The following DSE variants were observed in gnomAD, a reference collection of about 807,000 sequenced individuals.
The protein encoded by DSE is dermatan-sulfate epimerase.
Under a neutral mutation model 84.4 loss-of-function variants are expected in DSE, and 36 were observed. The observed-to-expected ratio is 0.43, with a 90% CI of 0.33 to 0.56. The LOEUF (loss-of-function observed/expected upper bound fraction) is 0.56. DSE is among the 20% of genes least tolerant of loss of function. DSE has a pLI of 0.06. For missense variants in DSE, 862 were observed against 1,169.6 expected, an observed-to-expected ratio of 0.74 and a Z score of 3.84; for synonymous variants, 410 against 430.1, an observed-to-expected ratio of 0.95 and a Z score of 0.58.
At chr6:116,384,332 C>A (rs1168006726) in intron 1 of DSE, among the ~76,000 whole-genome samples, 1 of 152,148 alleles carries the variant, frequency 6.6e-6, no homozygotes, top group African/African-American at 2.4e-5. Context: ...CTCATGAAAT[C>A]TATCCTTGGA....
At chr6:116,407,769 A>G (rs1782029270) in intron 2 of DSE, among the ~76,000 whole-genome samples, 1 of 152,252 alleles carries the variant, frequency 6.6e-6, no homozygotes, top group Admixed American at 6.5e-5. Context: ...TTTGATAAAT[A>G]AAAAAGATCA....
intron 2 of DSE, among the ~76,000 whole-genome samples, chr6:116,339,622 G>A (rs1378564922): frequency 1.3e-5 from 2 of 152,222 alleles, no homozygotes; most frequent in African/African-American, 4.8e-5. Flanking sequence ...ATCTGGGTGA[G>A]CAAGTAATGA....
chr6:116,278,402 G>C (rs1218506680), intron 2 of DSE: 1 of 1,420,436 alleles, frequency 7.0e-7, no homozygotes, highest in Non-Finnish European at 9.8e-7. Flanking sequence ...ACAGGGTGCA[G>C]AAAAGTCAGC....
intron 1 of DSE, among the ~76,000 whole-genome samples, chr6:116,395,582 T>TTA (rs1466018371): frequency 6.6e-6 from 1 of 152,232 alleles, no homozygotes; most frequent in African/African-American, 2.4e-5. Context: ...ACTTTTTTTT[T>TTA]ACTTTTAAAT....
chr6:116,371,471 G>T (rs1779568151), intron 1 of DSE, among the ~76,000 whole-genome samples: 1 of 152,236 alleles, frequency 6.6e-6, no homozygotes, highest in African/African-American at 2.4e-5. Context: ...GCCCAGCCGC[G>T]ATTTCCTCGA....
chr6:116,420,136 A>T (rs1257250515), intron 2 of DSE, among the ~76,000 whole-genome samples: 1 of 152,212 alleles, frequency 6.6e-6, no homozygotes, highest in Non-Finnish European at 1.5e-5. Flanking sequence ...CTGTTGATTA[A>T]TTTAAATAAG....
intron 2 of DSE, among the ~76,000 whole-genome samples, chr6:116,321,997 C>T (rs1032066934): frequency 6.6e-6 from 1 of 152,036 alleles, no homozygotes; most frequent in Non-Finnish European, 1.5e-5. Context: ...TTTGTTCGGC[C>T]GGGGGCATCA....
intron 2 of DSE, among the ~76,000 whole-genome samples, chr6:116,290,024 C>T (rs1281000731): frequency 6.6e-6 from 1 of 151,828 alleles, no homozygotes; most frequent in Non-Finnish European, 1.5e-5. Context: ...ATTGCCTCAC[C>T]CCTCCATTAC....
chr6:116,363,361 TAC>T (rs1779006971), intron 2 of DSE, among the ~76,000 whole-genome samples: 1 of 144,668 alleles, frequency 6.9e-6, no homozygotes, highest in East Asian at 1.9e-4. Context: ...TACATATATA[TAC>T]ACATGTGTGT....
rs550603505 is a variant in DSE at position 116,284,678 on chromosome 6, C to T, written c.-54+25711C>T. ...CCCTCCCCCCTCCCCCCTCCCCCAACCTCATGATAGGCCCCGGTGTGTGAT... is the reference window on the plus strand; with the variant it reads ...CCCTCCCCCCTCCCCCCTCCCCCAATCTCATGATAGGCCCCGGTGTGTGAT... On this transcript the variant is annotated intron_variant, in intron 2 of 3. Coordinates refer to the DSE transcript ENST00000430252. 1.3e-4 allele frequency among the ~76,000 whole-genome samples: 14 copies of T among 110,476 alleles called. No homozygotes were observed. The East Asian group carries it at 4.2e-3, about 33-fold the overall frequency. The allele number at this position is 110,476 out of a possible 152,430, so 72.5% of individuals were successfully genotyped here. A position where few individuals can be genotyped will look rare whatever the true frequency, so the allele number is the denominator to read the frequency against.
At chr6:116,342,879 G>A (rs1777698984) in intron 2 of DSE, among the ~76,000 whole-genome samples, 1 of 152,166 alleles carries the variant, frequency 6.6e-6, no homozygotes, top group Non-Finnish European at 1.5e-5. Context: ...AGGGGTCAGG[G>A]AATTCCCTTT....
intron 2 of DSE, among the ~76,000 whole-genome samples, chr6:116,337,797 A>G (rs1777339539): frequency 8.2e-6 from 1 of 121,500 alleles, no homozygotes; most frequent in African/African-American, 3.0e-5. Context: ...AAATGAGTTT[A>G]CATACTTCTT....
At chr6:116,266,378 A>G (rs1772631342) in intron 2 of DSE, among the ~76,000 whole-genome samples, 2 of 152,216 alleles carry the variant, frequency 1.3e-5, no homozygotes, top group South Asian at 4.1e-4. Context: ...TTCTGTTGAT[A>G]TCTTCTGGTA....
chr6:116,377,460 T>G (rs1208891073), intron 1 of DSE, among the ~76,000 whole-genome samples: 1 of 152,200 alleles, frequency 6.6e-6, no homozygotes, highest in Non-Finnish European at 1.5e-5. Context: ...GCAACATTAG[T>G]GTTGTGTAAG....
chr6:116,325,863 G>A (rs1026058204), intron 2 of DSE, among the ~76,000 whole-genome samples: 13 of 152,206 alleles, frequency 8.5e-5, no homozygotes, highest in Non-Finnish European at 1.8e-4. Flanking sequence ...CGAGCTCCCT[G>A]AGTGAGCAAT....
intron 2 of DSE, chr6:116,277,555 C>CT (rs1262864726): frequency 2.6e-5 from 4 of 152,352 alleles, no homozygotes; most frequent in African/African-American, 9.6e-5. Flanking sequence ...CTCTAGCACT[C>CT]TATTTTACAG....
chr6:116,371,243 G>A (rs1779538357), intron 1 of DSE, 122 bp downstream of exon 1: 2 of 977,402 alleles, frequency 2.0e-6, no homozygotes, highest in South Asian at 9.5e-5. Context: ...CCACGTCCCC[G>A]GCTGAGAGCG....
At chr6:116,260,317 C>A (rs1447760841) in intron 2 of DSE, among the ~76,000 whole-genome samples, 1 of 152,108 alleles carries the variant, frequency 6.6e-6, no homozygotes, top group Non-Finnish European at 1.5e-5. Flanking sequence ...GTCCTTTGCC[C>A]ACTTTTTAAT....
intron 2 of DSE, among the ~76,000 whole-genome samples, chr6:116,332,533 C>T (rs559902079): frequency 1.3e-5 from 2 of 152,152 alleles, no homozygotes; most frequent in South Asian, 4.2e-4. Flanking sequence ...GATATTAATA[C>T]TTATGTCTGT....
Sources: allele counts gnomAD v4.1 joint callset (sites outside exome capture counted in the v4.1 genomes callset), GRCh38; gene constraint gnomAD v4.1.1; transcripts MANE v1.5; gene names NCBI Gene and HGNC (gene_info 2026-07-23, HGNC 2026-07-21).